The following UCMA variants were observed in gnomAD, a reference collection of about 807,000 sequenced individuals.
UCMA encodes upper zone of growth plate and cartilage matrix associated.
A neutral mutation model predicts 21.8 loss-of-function variants in UCMA; 21 were observed. That is an observed-to-expected ratio of 0.97 (90% CI 0.68 to 1.39). UCMA has a LOEUF of 1.39. Ranked by LOEUF, UCMA falls within the 40% of genes most tolerant of loss-of-function variation. UCMA has a pLI of 0.00. For missense variants in UCMA, 193 were observed against 178.9 expected (o/e 1.08, Z -0.45); for synonymous variants, 76 against 67.9 (o/e 1.12, Z -0.58).
In UCMA at chr10:13,221,874, A is replaced by G; in HGVS notation, c.*229T>C. On this transcript the variant is annotated 3_prime_UTR_variant, in exon 5 of 5. Transcript: ENST00000378681. ...AAGCCACTGTAGGTTTGGTACTAGGAGGCCCTGCAGGCAGTTGCTCACCTC... is the reference window on the plus strand; with the variant it reads ...AAGCCACTGTAGGTTTGGTACTAGGGGGCCCTGCAGGCAGTTGCTCACCTC... The G allele has an allele frequency of 1.8e-6, 1 of 556,106 alleles. No homozygotes were observed. The highest frequency in any genetic ancestry group is 3.2e-6 in the Non-Finnish European group (1 of 311,662). 34.4% of individuals were successfully genotyped at this position (556,106 alleles called of 1,614,324 possible).
rs34527224 is a variant in UCMA at position 13,232,371 on chromosome 10, CAAAAAAAA to C, written c.220+1159_220+1166del. ...TGGGCGACAGAGTGAGACTCCATCT[CAAAAAAAA>C]AAAAAAAAAAAAAAAAGAGGACAGA... On this transcript the variant is annotated intron_variant, in intron 3 of 4. Coordinates refer to ENST00000378681, the MANE Select transcript of UCMA (RefSeq NM_145314.3). Among the ~76,000 whole-genome samples, 570 of 69,590 alleles carry C rather than the reference CAAAAAAAA, an allele frequency of 8.2e-3. 7 individuals carry two copies. The highest frequency in any genetic ancestry group is 0.031 in the African/African-American group (544 of 17,498). 45.7% of individuals were successfully genotyped at this position (69,590 alleles called of 152,430 possible). A position where few individuals can be genotyped will look rare whatever the true frequency, so the allele number is the denominator to read the frequency against.
chr10:13,222,413 G>A (rs1834769946), intron 4 of UCMA, among the ~76,000 whole-genome samples: 3 of 152,354 alleles, frequency 2.0e-5, no homozygotes, highest in South Asian at 2.1e-4. Flanking sequence ...GAAGGTCACA[G>A]GCAGGTGTAG....
At chr10:13,229,553 C>T in intron 4 of UCMA, 58 bp downstream of exon 4, 1 of 1,453,588 alleles carries the variant, frequency 6.9e-7, no homozygotes, top group Non-Finnish European at 9.5e-7. Flanking sequence ...GAAAGCAAAC[C>T]ATGTGATTTC....
intron 3 of UCMA, among the ~76,000 whole-genome samples, chr10:13,232,355 G>C (rs1834909921): frequency 8.6e-6 from 1 of 116,570 alleles, no homozygotes; most frequent in African/African-American, 3.4e-5. Flanking sequence ...CTGGGCGACA[G>C]AGTGAGACTC....
At chr10:13,230,907 A>G (rs1408375224) in intron 3 of UCMA, among the ~76,000 whole-genome samples, 6 of 152,102 alleles carry the variant, frequency 3.9e-5, no homozygotes, top group Non-Finnish European at 2.9e-5. Context: ...AAATACAACA[A>G]TTAGCCAGGC....
chr10:13,231,041 T>C (rs1204976106), intron 3 of UCMA, among the ~76,000 whole-genome samples: 1 of 147,546 alleles, frequency 6.8e-6, no homozygotes, highest in Non-Finnish European at 1.5e-5. Context: ...AGCGAGACTC[T>C]GTCTTAAAAT....
intron 4 of UCMA, among the ~76,000 whole-genome samples, chr10:13,224,384 GAAGA>G (rs889081602): frequency 6.7e-6 from 1 of 148,936 alleles, no homozygotes; most frequent in African/African-American, 2.5e-5. Context: ...TAAAGAAAGA[GAAGA>G]AAGAAAGAGA....
intron 4 of UCMA, among the ~76,000 whole-genome samples, chr10:13,227,743 T>TACACACACACACACAC (rs55831241): frequency 0.012 from 1,284 of 110,620 alleles, 22 homozygotes; most frequent in Non-Finnish European, 0.018. Context: ...GGAAAGGAAA[T>TACACACACACACACAC]ACACACACAC....
rs536497025 is a variant in UCMA, at chr10:13,221,902, A to G, written c.*201T>C. The G allele has an allele frequency of 1.7e-6, 1 of 599,284 alleles. No homozygotes were observed. Among genetic ancestry groups the G allele is most frequent in the African/African-American group, 1.9e-5 (1 of 53,812 alleles). 37.1% of individuals were successfully genotyped at this position (599,284 alleles called of 1,614,324 possible). ...CCCTGCAGGCAGTTGCTCACCTCAG[A>G]AGATGGTCTGCAAAGAGGTGAAAGT... On this transcript the variant is annotated 3_prime_UTR_variant, in exon 5 of 5. Coordinates refer to ENST00000378681, the MANE Select transcript of UCMA (RefSeq NM_145314.3).
Position 13,234,268 on chromosome 10 carries a change from G to A in UCMA, c.-10C>T, listed in dbSNP as rs1190610949. On this transcript the variant is annotated 5_prime_UTR_variant, in exon 1 of 5. Transcript: ENST00000378681. ...CCTGTCTCCAAGTCATCTTTGCAGA[G>A]GTAGGGGCTCCGTCCAGGACCCACA... is the stretch of plus-strand genomic sequence containing the variant. 1.2e-6 allele frequency: 2 copies of A among 1,613,584 alleles called. No individual in the cohort carries two copies. The highest frequency in any genetic ancestry group is 1.7e-5 in the Admixed American group (1 of 59,980).
chr10:13,228,268 G>A lies in UCMA; in HGVS notation c.319+1343C>T, dbSNP rs575013389. Among the ~76,000 whole-genome samples the A allele has an allele frequency of 3.9e-5, 6 of 152,078 alleles. 2 individuals are homozygous for A. Among genetic ancestry groups the A allele is most frequent in the East Asian group, 1.9e-4 (1 of 5,160 alleles). On this transcript the variant is annotated intron_variant, in intron 4 of 4. Coordinates refer to ENST00000378681, the MANE Select transcript of UCMA (RefSeq NM_145314.3). ...GTAGAGACAGGGTTTCGCCACATTC[G>A]CTAGGCTAGTCTCAAACTCCTGACC...
intron 4 of UCMA, among the ~76,000 whole-genome samples, chr10:13,225,819 C>A (rs1392076389): frequency 6.6e-6 from 1 of 151,912 alleles, no homozygotes; most frequent in African/African-American, 2.4e-5. Context: ...TGGTTTCAGG[C>A]AAGCAGAACC....
At chr10:13,233,892 C>A (rs992597348) in intron 1 of UCMA, 92 bp from the exon 2 acceptor site, 40 of 1,499,886 alleles carry the variant, frequency 2.7e-5, no homozygotes, top group East Asian at 2.1e-4. Flanking sequence ...GGCTAAGCGT[C>A]CTGCCAGGGC....
Position 13,222,393 on chromosome 10 carries a change from C to A in UCMA, c.320-193G>T, listed in dbSNP as rs182797769. Among the ~76,000 whole-genome samples, 16 of 152,258 alleles carry A rather than the reference C, an allele frequency of 1.1e-4. No homozygotes were observed. In the East Asian group the frequency reaches 3.1e-3, roughly 29 times the overall value. ...GACAAGCCTTGTGTATAAGTCAGGCCCAGATGGGCGAAGGTCACAGGCAGG... is the reference window on the plus strand; with the variant it reads ...GACAAGCCTTGTGTATAAGTCAGGCACAGATGGGCGAAGGTCACAGGCAGG... On this transcript the variant is annotated intron_variant, in intron 4 of 4. Transcript: ENST00000378681.
intron 4 of UCMA, 111 bp from the exon 5 acceptor site, chr10:13,222,311 T>C (rs1360086384): frequency 1.1e-6 from 1 of 929,298 alleles, no homozygotes. Flanking sequence ...ACTGAGAGTG[T>C]TTGTGAGCCC....
chr10:13,233,893 C>T, intron 1 of UCMA, 93 bp from the exon 2 acceptor site: 5 of 1,498,682 alleles, frequency 3.3e-6, no homozygotes, highest in Non-Finnish European at 3.6e-6. Flanking sequence ...GCTAAGCGTC[C>T]TGCCAGGGCC....
chr10:13,233,136 G>T (rs72781305), intron 3 of UCMA, among the ~76,000 whole-genome samples: 79 of 152,200 alleles, frequency 5.2e-4, no homozygotes, highest in African/African-American at 1.8e-3. Flanking sequence ...AGGTGTGCTG[G>T]ACCAGTACCC....
chr10:13,229,698 G>T lies in UCMA; in HGVS notation c.232C>A (p.Gln78Lys). ...SRDEVNVENRQKLRVDELRRE... is the reference protein window; with the variant it reads ...SRDEVNVENRKKLRVDELRRE... ...CGCAGCTCATCAACCCGAAGCTTCT[G>T]CCTGTTTTCCACTGTGAAAGGAAAA... Residue 78 changes from glutamine to lysine, a missense_variant, in exon 4 of 5, where the codon CAG (glutamine) becomes AAG (lysine). Gln to Lys is a moderately conservative substitution (Grantham distance 53). Transcript: ENST00000378681. The T allele has an allele frequency of 6.2e-7, 1 of 1,613,898 alleles. No individual in the cohort carries two copies. The highest frequency in any genetic ancestry group is 8.5e-7 in the Non-Finnish European group (1 of 1,179,990).
intron 3 of UCMA, among the ~76,000 whole-genome samples, chr10:13,232,648 A>G (rs1261451647): frequency 6.6e-6 from 1 of 152,086 alleles, no homozygotes; most frequent in Non-Finnish European, 1.5e-5. Flanking sequence ...TGTTCTTCCC[A>G]TCATTTGAAA....
Sources: allele counts gnomAD v4.1 joint callset (sites outside exome capture counted in the v4.1 genomes callset), GRCh38; gene constraint gnomAD v4.1.1; transcripts MANE v1.5; gene names NCBI Gene and HGNC (gene_info 2026-07-23, HGNC 2026-07-21).